Variants in GRM8 observed in about 807,000 individuals in gnomAD.
GRM8 encodes metabotropic glutamate receptor 8.
Under a neutral mutation model 87.2 loss-of-function variants are expected in GRM8, and 47 were observed. That is an observed-to-expected ratio of 0.54 (90% CI 0.43 to 0.69). The LOEUF is 0.69. Ranked by LOEUF, GRM8 falls within the 30% of genes least tolerant of loss-of-function variation. GRM8 has a pLI of 0.00. For synonymous variants in GRM8, 396 were observed against 404.5 expected, an observed-to-expected ratio of 0.98 and a Z score of 0.25; for missense variants, 1,019 against 1,139.2, an observed-to-expected ratio of 0.89 and a Z score of 1.52.
chr7:126,507,306 G>A (rs1203232876), intron 9 of GRM8, among the ~76,000 whole-genome samples: 1 of 151,978 alleles, frequency 6.6e-6, no homozygotes, highest in Non-Finnish European at 1.5e-5. Flanking sequence ...GTGACCTCAG[G>A]CAAATCACCT....
At chr7:127,088,856 G>A (rs1422145997) in intron 3 of GRM8, among the ~76,000 whole-genome samples, 1 of 152,200 alleles carries the variant, frequency 6.6e-6, no homozygotes, top group Non-Finnish European at 1.5e-5. Flanking sequence ...TCCCATGCAT[G>A]GCTAAAGTGA....
chr7:126,495,816 C>G (rs1808636029), intron 9 of GRM8, among the ~76,000 whole-genome samples: 1 of 151,966 alleles, frequency 6.6e-6, no homozygotes, highest in Admixed American at 6.6e-5. Context: ...TTTAAATATG[C>G]ATAAATGTGT....
At chr7:126,518,814 A>G (rs1415057149) in intron 9 of GRM8, among the ~76,000 whole-genome samples, 9 of 151,992 alleles carry the variant, frequency 5.9e-5, no homozygotes, top group Non-Finnish European at 1.5e-5. Flanking sequence ...CTAAAATAAG[A>G]GCATCTTAGA....
intron 8 of GRM8, among the ~76,000 whole-genome samples, chr7:126,534,436 GC>G (rs1314649141): frequency 6.6e-6 from 1 of 152,096 alleles, no homozygotes; most frequent in African/African-American, 2.4e-5. Context: ...AATGTGTTTT[GC>G]CCCTGTTTAG....
chr7:126,695,059 TTG>T (rs1458149153), intron 7 of GRM8, among the ~76,000 whole-genome samples: 1 of 152,170 alleles, frequency 6.6e-6, no homozygotes, highest in Non-Finnish European at 1.5e-5. Context: ...GCATCTCAGT[TTG>T]TACTAGGATT....
chr7:126,619,088 G>A (rs1182525980), intron 7 of GRM8, among the ~76,000 whole-genome samples: 14 of 152,106 alleles, frequency 9.2e-5, no homozygotes, highest in African/African-American at 1.9e-4. Context: ...TGTTTATTGC[G>A]GCACTATTCA....
chr7:127,026,543 A>G (rs1041428099), intron 3 of GRM8, among the ~76,000 whole-genome samples: 8 of 152,128 alleles, frequency 5.3e-5, no homozygotes, highest in African/African-American at 1.7e-4. Context: ...TTGCCATTCT[A>G]ACTGGCATGA....
intron 3 of GRM8, among the ~76,000 whole-genome samples, chr7:127,028,750 T>C (rs996828385): frequency 1.4e-4 from 21 of 152,308 alleles, no homozygotes; most frequent in African/African-American, 4.8e-4. Context: ...GCTAGCAGTC[T>C]ATCAATTTTG....
intron 7 of GRM8, among the ~76,000 whole-genome samples, chr7:126,677,360 CAA>C (rs35134983): frequency 6.0e-4 from 69 of 115,800 alleles, no homozygotes; most frequent in African/African-American, 6.9e-4. Flanking sequence ...GGCATCCACC[CAA>C]AAAAAAAAAA....
chr7:126,579,584 A>G (rs1397493402), intron 8 of GRM8, among the ~76,000 whole-genome samples: 1 of 152,204 alleles, frequency 6.6e-6, no homozygotes, highest in Admixed American at 6.5e-5. Flanking sequence ...AGAACATGTC[A>G]TCATTGTCCA....
chr7:126,803,427 C>T (rs1011832157), intron 6 of GRM8, among the ~76,000 whole-genome samples: 11 of 152,100 alleles, frequency 7.2e-5, no homozygotes, highest in Admixed American at 5.9e-4. Context: ...TAATCATAAA[C>T]GTATATACTT....
chr7:126,891,832 C>T (rs1377659108), intron 6 of GRM8, among the ~76,000 whole-genome samples: 2 of 151,816 alleles, frequency 1.3e-5, no homozygotes, highest in African/African-American at 2.4e-5. Flanking sequence ...GTTTTGCTCA[C>T]GAACATGTCC....
At chr7:126,478,037 G>A (rs570659415) in intron 9 of GRM8, among the ~76,000 whole-genome samples, 1 of 152,072 alleles carries the variant, frequency 6.6e-6, no homozygotes, top group Non-Finnish European at 1.5e-5. Context: ...AAGGACACCT[G>A]TCATTGGATT....
chr7:126,872,714 C>T (rs1799207023), intron 6 of GRM8, among the ~76,000 whole-genome samples: 2 of 152,098 alleles, frequency 1.3e-5, no homozygotes, highest in Non-Finnish European at 2.9e-5. Context: ...ACTGAAACCT[C>T]AAAACCAGAT....
intron 7 of GRM8, among the ~76,000 whole-genome samples, chr7:126,645,315 A>T (rs1802912550): frequency 1.3e-5 from 2 of 152,180 alleles, no homozygotes; most frequent in South Asian, 4.2e-4. Context: ...GTAGAACCTA[A>T]GATTGGTTTT....
chr7:126,703,088 T>C (rs892128152), intron 7 of GRM8, among the ~76,000 whole-genome samples: 1 of 152,132 alleles, frequency 6.6e-6, no homozygotes, highest in African/African-American at 2.4e-5. Context: ...AGTTCAGATT[T>C]TTCCTAGTAT....
rs138199180 is a variant in GRM8, at chr7:126,975,738, T to G, written c.728-71055A>C. On this transcript the variant is annotated intron_variant, in intron 3 of 10. Coordinates refer to ENST00000339582, the MANE Select transcript of GRM8 (RefSeq NM_000845.3). ...TAACTTCAATAATTATCTCCGGTAG[T>G]CTCCATGCACATGAGTTAATTATAA... Among the ~76,000 whole-genome samples, 523 of 152,302 alleles carry G rather than the reference T, an allele frequency of 3.4e-3. 4 individuals carry two copies. The highest frequency in any genetic ancestry group is 0.012 in the African/African-American group (492 of 41,568).
At chr7:126,663,782 T>G (rs1277677970) in intron 7 of GRM8, among the ~76,000 whole-genome samples, 1 of 152,144 alleles carries the variant, frequency 6.6e-6, no homozygotes, top group African/African-American at 2.4e-5. Context: ...GTACTGGAAT[T>G]CCTAGTCAGA....
At chr7:127,066,491 C>T (rs1821125801) in intron 3 of GRM8, among the ~76,000 whole-genome samples, 2 of 152,148 alleles carry the variant, frequency 1.3e-5, no homozygotes, top group East Asian at 1.9e-4. Context: ...TCAAATCAAA[C>T]CTGTGAGAAA....
Sources: gnomAD v4.1 joint callset for allele counts (sites outside exome capture counted in the v4.1 genomes callset) on GRCh38, gnomAD v4.1.1 for gene constraint, MANE v1.5 for transcripts, NCBI Gene and HGNC (gene_info 2026-07-23, HGNC 2026-07-21) for gene names.